The following DDIT4L variants were observed in gnomAD, a reference collection of about 807,000 sequenced individuals.
The protein encoded by DDIT4L is DNA damage inducible transcript 4 like, also known as DNA damage-inducible transcript 4-like protein.
A neutral mutation model predicts 15.9 loss-of-function variants in DDIT4L; 13 were observed. The observed-to-expected ratio is 0.82, with a 90% confidence interval of 0.53 to 1.30. DDIT4L has a LOEUF of 1.30. Ranked by LOEUF, DDIT4L falls within the 50% of genes most tolerant of loss-of-function variation. The probability of loss-of-function intolerance (pLI) is 0.00; values close to 1 mark genes in which losing one functional copy is unlikely to be tolerated. For synonymous variants in DDIT4L, 82 were observed against 85.4 expected (o/e 0.96, Z 0.22); for missense variants, 235 against 224.8 (o/e 1.05, Z -0.29).
chr4:100,186,353 G>A lies in DDIT4L; in HGVS notation c.*1324C>T, dbSNP rs1723420369. ...CATGTGAAGTGGAGCTAATAGCTAG[G>A]GCAGGAAACCTGAATAAGCTCCTTA... On this transcript the variant is annotated 3_prime_UTR_variant, in exon 3 of 3. Transcript: ENST00000273990. The A allele has an allele frequency of 6.6e-6, 1 of 152,182 alleles. No homozygotes were observed. The highest frequency in any genetic ancestry group is 1.5e-5 in the Non-Finnish European group (1 of 68,036). 9.4% of individuals were successfully genotyped at this position (152,182 alleles called of 1,614,324 possible).
rs985540518 is a variant in DDIT4L at position 100,187,452 on chromosome 4, A to T, written c.*225T>A. 4.4e-6 allele frequency: 2 copies of T among 458,200 alleles called. No individual in the cohort carries two copies. The highest frequency in any genetic ancestry group is 7.5e-6 in the Non-Finnish European group (2 of 267,930). 28.4% of individuals were successfully genotyped at this position (458,200 alleles called of 1,614,324 possible). On this transcript the variant is annotated 3_prime_UTR_variant, in exon 3 of 3. Coordinates refer to ENST00000273990, the MANE Select transcript of DDIT4L (RefSeq NM_145244.4). Reference sequence around the variant, plus strand: ...CCATCCCATTCAATTCTGTACAAAAATGGGATCTATGCAGAAAATCTACAC... The same window carrying T: ...CCATCCCATTCAATTCTGTACAAAATTGGGATCTATGCAGAAAATCTACAC...
rs1316891434 is a variant in DDIT4L, at chr4:100,185,905, C to T, written c.*1772G>A. 1 of 151,976 alleles carries T rather than the reference C, an allele frequency of 6.6e-6. No individual in the cohort carries two copies. Among genetic ancestry groups the T allele is most frequent in the Non-Finnish European group, 1.5e-5 (1 of 67,996 alleles). The allele number at this position is 151,976 out of a possible 1,614,324, so 9.4% of individuals were successfully genotyped here. On this transcript the variant is annotated 3_prime_UTR_variant, in exon 3 of 3. Transcript: ENST00000273990. Reference sequence around the variant, plus strand: ...ATAATGTTTTATTGTCAAAAATAGACAAACTTTAATTTCCTTTAACAGGAA... The same window carrying T: ...ATAATGTTTTATTGTCAAAAATAGATAAACTTTAATTTCCTTTAACAGGAA...
At chr4:100,189,088 C>T (rs1471407194) in intron 2 of DDIT4L, among the ~76,000 whole-genome samples, 1 of 152,258 alleles carries the variant, frequency 6.6e-6, no homozygotes, top group Non-Finnish European at 1.5e-5. Flanking sequence ...TTCCTCTCCA[C>T]TTCGTGTAAG....
intron 2 of DDIT4L, 128 bp from the exon 3 acceptor site, chr4:100,188,295 G>A: frequency 1.0e-6 from 1 of 1,001,552 alleles, no homozygotes; most frequent in South Asian, 1.7e-5. Flanking sequence ...TTGTTTCAGA[G>A]TCAGCTGACC....
At position 100,189,930 on chromosome 4, in the gene DDIT4L, C is replaced by A; in HGVS notation, c.54G>T (p.Leu18Phe). The A allele has an allele frequency of 6.2e-7, 1 of 1,614,126 alleles. No individual in the cohort carries two copies. Among genetic ancestry groups the A allele is most frequent in the Non-Finnish European group, 8.5e-7 (1 of 1,180,028 alleles). Residue 18 changes from leucine (L) to phenylalanine (F), a missense_variant, in exon 2 of 3, where the codon TTG becomes TTT. By Grantham distance (22) the Leu-to-Phe change is conservative (BLOSUM62 0). Coordinates refer to ENST00000273990, the MANE Select transcript of DDIT4L (RefSeq NM_145244.4). ...TCTCTGGGTGATAGCCACAGTCCAG[C>A]AATTCTGAAATGCTGGCCGGGTTCT... ...SSKNPASISELLDCGYHPESL... is the reference protein window; with the variant it reads ...SSKNPASISEFLDCGYHPESL...
chr4:100,188,281 G>T (rs1166605004), intron 2 of DDIT4L, 114 bp from the exon 3 acceptor site: 2 of 1,173,688 alleles, frequency 1.7e-6, no homozygotes, highest in East Asian at 2.6e-5. Context: ...CCTTTTTCTT[G>T]TATTTGTTTC....
Position 100,186,708 on chromosome 4 carries a change from G to GGA in DDIT4L, c.*967_*968dup, listed in dbSNP as rs1369393857. The GGA allele has an allele frequency of 6.6e-6, 1 of 152,176 alleles. No homozygotes were observed. Among genetic ancestry groups the GGA allele is most frequent in the Non-Finnish European group, 1.5e-5 (1 of 68,030 alleles). 9.4% of individuals were successfully genotyped at this position (152,176 alleles called of 1,614,324 possible). On this transcript the variant is annotated 3_prime_UTR_variant, in exon 3 of 3. Transcript: ENST00000273990. ...TACTACCCTTGACAATTGGGGTTAAGGAGAGATACTTCAATTCCCAGAAAA... is the reference window on the plus strand; with the variant it reads ...TACTACCCTTGACAATTGGGGTTAAGGAGAGAGATACTTCAATTCCCAGAAAA...
chr4:100,190,009 A>G lies in DDIT4L; in HGVS notation c.-26T>C. 6.2e-7 allele frequency: 1 copy of G among 1,608,562 alleles called. No homozygotes were observed. Among genetic ancestry groups the G allele is most frequent in the Non-Finnish European group, 8.5e-7 (1 of 1,175,176 alleles). On this transcript the variant is annotated 5_prime_UTR_variant, in exon 2 of 3. Transcript: ENST00000273990. ...GGTCAACGGCTCTGTTTCCTTCGCG[A>G]GGCGCAACGGCCTTTCCTGAGCGCT... is the stretch of plus-strand genomic sequence containing the variant.
chr4:100,187,376 T>C lies in DDIT4L; in HGVS notation c.*301A>G, dbSNP rs1158176424. The C allele has an allele frequency of 4.2e-6, 1 of 236,392 alleles. No individual in the cohort carries two copies. Among genetic ancestry groups the C allele is most frequent in the East Asian group, 1.1e-4 (1 of 9,118 alleles). The allele number at this position is 236,392 out of a possible 1,614,324, so 14.6% of individuals were successfully genotyped here. A position where few individuals can be genotyped will look rare whatever the true frequency, so the allele number is the denominator to read the frequency against. ...TTACCAAGCCTACCTGAAACCAAATTGTGGAATCAAATGTAAAACTCAAAT... is the reference window on the plus strand; with the variant it reads ...TTACCAAGCCTACCTGAAACCAAATCGTGGAATCAAATGTAAAACTCAAAT... On this transcript the variant is annotated 3_prime_UTR_variant, in exon 3 of 3. Transcript: ENST00000273990.
rs1723425359 is a variant in DDIT4L, at chr4:100,186,712, A to T, written c.*965T>A. ...ACCCTTGACAATTGGGGTTAAGGAG[A>T]GATACTTCAATTCCCAGAAAAGCCC... On this transcript the variant is annotated 3_prime_UTR_variant, in exon 3 of 3. Transcript: ENST00000273990. The T allele has an allele frequency of 6.6e-6, 1 of 152,192 alleles. No homozygotes were observed. The highest frequency in any genetic ancestry group is 2.4e-5 in the African/African-American group (1 of 41,438). The allele number at this position is 152,192 out of a possible 1,614,324, so 9.4% of individuals were successfully genotyped here. A position where few individuals can be genotyped will look rare whatever the true frequency, so the allele number is the denominator to read the frequency against.
chr4:100,187,622 T>A lies in DDIT4L; in HGVS notation c.*55A>T. ...CAAACTACAAATGACTTTAGCTGACTAGCTGAATAGTTTTACTACCCAATC... is the reference window on the plus strand; with the variant it reads ...CAAACTACAAATGACTTTAGCTGACAAGCTGAATAGTTTTACTACCCAATC... On this transcript the variant is annotated 3_prime_UTR_variant, in exon 3 of 3. Transcript: ENST00000273990. 1 of 1,535,106 alleles carries A rather than the reference T, an allele frequency of 6.5e-7. No individual in the cohort carries two copies. Among genetic ancestry groups the A allele is most frequent in the Admixed American group, 2.5e-5 (1 of 40,598 alleles).
rs766109977 is a variant in DDIT4L, at chr4:100,189,966, A to G, written c.18T>C (p.Ser6=). Residue 6 remains serine (S), a synonymous_variant, in exon 2 of 3, where the codon AGT becomes AGC. Coordinates refer to ENST00000273990, the MANE Select transcript of DDIT4L (RefSeq NM_145244.4). ...TGCTGGCCGGGTTCTTGCTGCTCAA[A>G]CTGCCAGTTGCAACCATGGTCAACG... The part of the protein sequence containing the change: MVATG[S]LSSKNPASIS... The G allele has an allele frequency of 2.5e-6, 4 of 1,613,956 alleles. No homozygotes were observed. In the African/African-American group the frequency reaches 5.3e-5, roughly 22 times the overall value.
In DDIT4L at chr4:100,186,590, A is replaced by G. The variant is rs1723423259; in HGVS notation, c.*1087T>C. The G allele has an allele frequency of 6.6e-6, 1 of 152,218 alleles. No individual in the cohort carries two copies. Among genetic ancestry groups the G allele is most frequent in the African/African-American group, 2.4e-5 (1 of 41,464 alleles). The allele number at this position is 152,218 out of a possible 1,614,324, so 9.4% of individuals were successfully genotyped here. ...CATGGTTATCTGGACGGTGAGTTTC[A>G]TTCTCTAGGCTGTACTATAAACCAT... On this transcript the variant is annotated 3_prime_UTR_variant, in exon 3 of 3. Transcript: ENST00000273990.
rs1723496822 is a variant in DDIT4L, at chr4:100,190,362, T to G, written c.-109A>C. On this transcript the variant is annotated 5_prime_UTR_variant, in exon 1 of 3. Coordinates refer to ENST00000273990, the MANE Select transcript of DDIT4L (RefSeq NM_145244.4). ...GCCGGGTAAACACAGGCAGGTGGCT[T>G]CTTAGGAGTCCCCTCTCCTGGGGAC... 3.9e-6 allele frequency: 1 copy of G among 253,908 alleles called. No individual in the cohort carries two copies. Among genetic ancestry groups the G allele is most frequent in the African/African-American group, 2.3e-5 (1 of 43,260 alleles). The allele number at this position is 253,908 out of a possible 1,614,324, so 15.7% of individuals were successfully genotyped here. A position where few individuals can be genotyped will look rare whatever the true frequency, so the allele number is the denominator to read the frequency against.
chr4:100,187,893 A>G lies in DDIT4L; in HGVS notation c.366T>C (p.Asp122=), dbSNP rs750516670. ...LEIENVCKKL[D]RIVCDSSVVP... is the part of the protein sequence containing the mutation. Reference sequence around the variant, plus strand: ...CGACGCTAGAATCACACACAATCCTATCCAGCTTTTTACATACATTTTCAA... The same window carrying G: ...CGACGCTAGAATCACACACAATCCTGTCCAGCTTTTTACATACATTTTCAA... The change falls in exon 3 of 3, where the codon GAT becomes GAC. Residue 122 remains aspartate, a synonymous_variant. Coordinates refer to ENST00000273990, the MANE Select transcript of DDIT4L (RefSeq NM_145244.4). 1 of 1,613,984 alleles carries G rather than the reference A, an allele frequency of 6.2e-7. No homozygotes were observed. The highest frequency in any genetic ancestry group is 8.5e-7 in the Non-Finnish European group (1 of 1,180,008).
intron 2 of DDIT4L, among the ~76,000 whole-genome samples, chr4:100,188,850 C>T (rs374125615): frequency 5.9e-5 from 9 of 152,238 alleles, no homozygotes; most frequent in Admixed American, 3.3e-4. Flanking sequence ...TATTTGTAAC[C>T]GGCTGGGTGG....
Position 100,189,875 on chromosome 4 carries a change from G to T in DDIT4L, c.91+18C>A, listed in dbSNP as rs979281327. ...CCGACCTTGGGAGGGGAGAAGGGTG[G>T]ACAGCGGGGACACTCACCACTTAGC... is the stretch of plus-strand genomic sequence containing the variant. On this transcript the variant is annotated intron_variant, in intron 2 of 2. Transcript: ENST00000273990. 4.3e-6 allele frequency: 7 copies of T among 1,612,948 alleles called. No homozygotes were observed. In the African/African-American group the frequency reaches 9.3e-5, roughly 22 times the overall value.
chr4:100,187,525 C>T lies in DDIT4L; in HGVS notation c.*152G>A. On this transcript the variant is annotated 3_prime_UTR_variant, in exon 3 of 3. Coordinates refer to ENST00000273990, the MANE Select transcript of DDIT4L (RefSeq NM_145244.4). Reference sequence around the variant, plus strand: ...GGCCAGAAAATCAGCCTGTTAGCTGCAGTTGCTATGAATGTGAAACACAGA... The same window carrying T: ...GGCCAGAAAATCAGCCTGTTAGCTGTAGTTGCTATGAATGTGAAACACAGA... 1.2e-6 allele frequency: 1 copy of T among 805,784 alleles called. No homozygotes were observed. The highest frequency in any genetic ancestry group is 1.8e-6 in the Non-Finnish European group (1 of 547,736). The allele number at this position is 805,784 out of a possible 1,614,324, so 49.9% of individuals were successfully genotyped here.
intron 1 of DDIT4L, 45 bp from the exon 2 acceptor site, chr4:100,190,077 G>A: frequency 8.4e-7 from 1 of 1,188,502 alleles, no homozygotes; most frequent in Non-Finnish European, 1.2e-6. Flanking sequence ...AAAAGCAGGC[G>A]AGTCGTGCAG....
Sources: gnomAD v4.1 joint callset for allele counts (sites outside exome capture counted in the v4.1 genomes callset) on GRCh38, gnomAD v4.1.1 for gene constraint, MANE v1.5 for transcripts, NCBI Gene and HGNC (gene_info 2026-07-23, HGNC 2026-07-21) for gene names.